The following DDX11 variants were observed in gnomAD, a reference collection of about 807,000 sequenced individuals.
DDX11 encodes ATP-dependent DNA helicase DDX11.
DDX11 carries 72 observed loss-of-function variants against 125.2 expected under a neutral mutation model. That is an observed-to-expected ratio of 0.58 (90% CI 0.48 to 0.70). The LOEUF (loss-of-function observed/expected upper bound fraction) is 0.70, where lower values mean the gene tolerates loss of function less well. Ranked by LOEUF, DDX11 falls within the 30% of genes least tolerant of loss-of-function variation. The pLI is 0.00. For missense variants in DDX11, 883 were observed against 1,165.0 expected (o/e 0.76, Z 3.52); for synonymous variants, 347 against 452.6 (o/e 0.77, Z 2.96).
At chr12:31,099,057 T>C (rs1205708526) in intron 18 of DDX11, among the ~76,000 whole-genome samples, 1 of 150,274 alleles carries the variant, frequency 6.7e-6, no homozygotes, top group Non-Finnish European at 1.5e-5. Context: ...TCAGAATGAA[T>C]CCATACTGGT....
At chr12:31,074,303 C>G (rs1208377327) in intron 1 of DDX11, 1 of 152,236 alleles carries the variant, frequency 6.6e-6, no homozygotes, top group Non-Finnish European at 1.5e-5. Flanking sequence ...CATGGATTAT[C>G]TTACGTAGAT....
At chr12:31,077,928 G>A (rs1463892476) in intron 1 of DDX11, 1 of 325,876 alleles carries the variant, frequency 3.1e-6, no homozygotes, top group Non-Finnish European at 6.1e-6. Context: ...CTCTGCCTGT[G>A]CGTCATGATT....
chr12:31,101,399 G>A, intron 20 of DDX11: 1 of 554,978 alleles, frequency 1.8e-6, no homozygotes, highest in South Asian at 2.0e-5. Context: ...ACAGGAGAAA[G>A]CTGCTAGTTC....
Position 31,102,513 on chromosome 12 carries a change from T to C in DDX11, c.2358T>C (p.Ser786=). The change falls in exon 23 of 27, where the codon TCT becomes TCC. Residue 786 remains serine, a synonymous_variant. Transcript: ENST00000542838. Reference sequence around the variant, plus strand: ...AGATGAGTGAAGGGATCAACTTCTCTGACAACCTAGGCCGGTAAGTAGTGG... The same window carrying C: ...AGATGAGTGAAGGGATCAACTTCTCCGACAACCTAGGCCGGTAAGTAGTGG... ...GGKMSEGINF[S]DNLGRCVVMV... is the part of the protein sequence containing the mutation. 4 of 1,613,718 alleles carry C rather than the reference T, an allele frequency of 2.5e-6. No homozygotes were observed. The highest frequency in any genetic ancestry group is 2.5e-6 in the Non-Finnish European group (3 of 1,179,600).
chr12:31,092,653 C>G (rs1944440183), intron 10 of DDX11, among the ~76,000 whole-genome samples, 193 bp from the exon 11 acceptor site: 1 of 152,198 alleles, frequency 6.6e-6, no homozygotes, highest in South Asian at 2.1e-4. Context: ...AACTTCCCTT[C>G]CTTCCCTTTT....
chr12:31,103,739 C>G lies in DDX11; in HGVS notation c.2691+8C>G. The G allele has an allele frequency of 6.2e-7, 1 of 1,613,682 alleles. No individual in the cohort carries two copies. The highest frequency in any genetic ancestry group is 8.5e-7 in the Non-Finnish European group (1 of 1,179,916). ...ATTGCTGCTGTGCAGAAGGTCAGTC[C>G]TACCTTTTTCTTTCTGAGAGCCTCC... On this transcript the variant is annotated splice_region_variant and intron_variant, in intron 26 of 26. Transcript: ENST00000542838.
At position 31,103,864 on chromosome 12, in the gene DDX11, G is replaced by A. The variant is rs530173896; in HGVS notation, c.*28G>A. On this transcript the variant is annotated 3_prime_UTR_variant, in exon 27 of 27. Coordinates refer to ENST00000542838, the MANE Select transcript of DDX11 (RefSeq NM_030653.4). Reference sequence around the variant, plus strand: ...GGCAACCACACCACTGCCTGGCGCCGTGCCCTTCCTTTGTCCTGCCCGCTG... The same window carrying A: ...GGCAACCACACCACTGCCTGGCGCCATGCCCTTCCTTTGTCCTGCCCGCTG... The A allele has an allele frequency of 3.3e-5, 54 of 1,613,944 alleles. 1 individual carries two copies. Among genetic ancestry groups the A allele is most frequent in the South Asian group, 2.1e-4 (19 of 91,072 alleles).
intron 2 of DDX11, among the ~76,000 whole-genome samples, chr12:31,080,953 G>A (rs913163655): frequency 2.6e-5 from 4 of 152,040 alleles, no homozygotes; most frequent in African/African-American, 9.7e-5. Flanking sequence ...TGCTGCTCAG[G>A]CCGGTGGTCT....
At chr12:31,098,357 G>T (rs1426769477) in intron 18 of DDX11, among the ~76,000 whole-genome samples, 1 of 152,262 alleles carries the variant, frequency 6.6e-6, no homozygotes, top group Non-Finnish European at 1.5e-5. Flanking sequence ...TTTTACTTAT[G>T]TGCATAGCTG....
At chr12:31,085,232 T>C in intron 5 of DDX11, 106 bp downstream of exon 5, 1 of 1,388,216 alleles carries the variant, frequency 7.2e-7, no homozygotes, top group Admixed American at 2.0e-5. Flanking sequence ...GCAAGAGGCA[T>C]GGTGGCCTCT....
chr12:31,080,513 G>A (rs1399623524), intron 2 of DDX11, among the ~76,000 whole-genome samples: 2 of 152,102 alleles, frequency 1.3e-5, no homozygotes, highest in Non-Finnish European at 2.9e-5. Flanking sequence ...TTTGTTTTCA[G>A]TGGCCTGCTG....
chr12:31,084,789 C>T, intron 4 of DDX11, 120 bp downstream of exon 4: 1 of 1,058,884 alleles, frequency 9.4e-7, no homozygotes, highest in Non-Finnish European at 1.4e-6. Context: ...GCTATGTGCT[C>T]CCGTACAGAA....
At chr12:31,102,579 A>G in intron 23 of DDX11, 52 bp downstream of exon 23, 2 of 1,552,458 alleles carry the variant, frequency 1.3e-6, no homozygotes, top group Non-Finnish European at 1.8e-6. Context: ...GCCGGCCCTC[A>G]CTCCCAGCAG....
chr12:31,094,596 T>A lies in DDX11; in HGVS notation c.1376T>A (p.Ile459Asn), dbSNP rs1320671155. The A allele has an allele frequency of 3.2e-6, 5 of 1,578,152 alleles. No individual in the cohort carries two copies. Among genetic ancestry groups the A allele is most frequent in the Non-Finnish European group, 3.4e-6 (4 of 1,163,898 alleles). ...EKFVAVLGGN[I>N]KQNPNTQSLS... ...TTTCCATTCTCTTTTTTAGGGAACA[T>A]TAAGCAAAATCCCAATACACAGAGT... Residue 459 changes from isoleucine (I) to asparagine (N), a missense_variant, in exon 13 of 27, where the codon ATT becomes AAT. Transcript: ENST00000542838.
intron 18 of DDX11, 178 bp from the exon 19 acceptor site, chr12:31,100,457 C>T: frequency 1.7e-6 from 1 of 573,946 alleles, no homozygotes; most frequent in African/African-American, 1.9e-5. Flanking sequence ...TTAAACGAGA[C>T]TGCCAGCACT....
Position 31,101,962 on chromosome 12 carries a change from C to T in DDX11, c.2182C>T (p.Arg728Cys), listed in dbSNP as rs1184403050. The stretch of plus-strand genomic sequence containing the variant: ...CTGGGAGAAGGGTGGCCTGCTGGGC[C>T]GTCTGGCTGCCAGGAAGAAGGTGAG... ...AHWEKGGLLG[R>C]LAARKKIFQE... Residue 728 changes from arginine to cysteine, a missense_variant, in exon 21 of 27, where the codon CGT becomes TGT. This residue lies in a region of DDX11 where 285 missense variants were observed against 346.0 expected (regional missense o/e 0.82). Transcript: ENST00000542838. The T allele has an allele frequency of 6.2e-6, 10 of 1,612,800 alleles. No homozygotes were observed. Among genetic ancestry groups the T allele is most frequent in the Non-Finnish European group, 6.8e-6 (8 of 1,179,670 alleles).
chr12:31,075,465 C>A (rs1940571660), intron 1 of DDX11, among the ~76,000 whole-genome samples: 1 of 151,846 alleles, frequency 6.6e-6, no homozygotes, highest in Non-Finnish European at 1.5e-5. Context: ...CAAGCACTTG[C>A]TGAGTGACCT....
intron 19 of DDX11, 149 bp downstream of exon 19, chr12:31,100,856 CCTG>C (rs1005898597): frequency 1.8e-6 from 2 of 1,085,442 alleles, no homozygotes; most frequent in African/African-American, 3.1e-5. Flanking sequence ...CCCAGGCTCT[CCTG>C]CTTTGCTCCC....
chr12:31,097,823 T>G, intron 17 of DDX11, 62 bp from the exon 18 acceptor site: 1 of 964,084 alleles, frequency 1.0e-6, no homozygotes, highest in South Asian at 1.4e-5. Context: ...GGACCCCCTT[T>G]GCTGGGACGA....
Sources: allele counts gnomAD v4.1 joint callset (sites outside exome capture counted in the v4.1 genomes callset), GRCh38; gene constraint gnomAD v4.1.1; regional missense constraint gnomAD v4.1.1; transcripts MANE v1.5; gene names NCBI Gene and HGNC (gene_info 2026-07-23, HGNC 2026-07-21).